CERS3: variants seen among roughly 807,000 people sequenced by gnomAD.
CERS3 encodes LAG1 homolog, ceramide synthase 3.
CERS3 carries 33 observed loss-of-function variants against 50.3 expected under a neutral mutation model. That is an observed-to-expected ratio of 0.66 (90% CI 0.50 to 0.88). CERS3 has a LOEUF of 0.88. CERS3 is among the 40% of genes least tolerant of loss of function. CERS3 has a pLI of 0.00. For synonymous variants in CERS3, 176 were observed against 155.2 expected, an observed-to-expected ratio of 1.13 and a Z score of -0.99; for missense variants, 470 against 460.3, an observed-to-expected ratio of 1.02 and a Z score of -0.19.
chr15:100,460,480 T>A (rs1392405036), intron 10 of CERS3, among the ~76,000 whole-genome samples: 2 of 152,180 alleles, frequency 1.3e-5, no homozygotes, highest in African/African-American at 4.8e-5. Context: ...CTACTTGCCA[T>A]TCTGGTTTGC....
intron 3 of CERS3, among the ~76,000 whole-genome samples, chr15:100,494,255 ATATT>A (rs1451124092): frequency 0.098 from 1,420 of 14,546 alleles, 120 homozygotes; most frequent in Non-Finnish European, 0.23. Context: ...ATATATATAT[ATATT>A]TGTTTTGAGA....
intron 1 of CERS3, chr15:100,544,390 ACCTCCGCGGGGACACG>A (rs2037291968): frequency 7.8e-6 from 1 of 127,754 alleles, no homozygotes; most frequent in African/African-American, 3.1e-5. Flanking sequence ...CTCGGCCTTG[ACCTCCGCGGGGACACG>A]GGCCCTCTCT....
chr15:100,406,980 A>G (rs1033995450), intron 11 of CERS3, among the ~76,000 whole-genome samples: 1 of 152,156 alleles, frequency 6.6e-6, no homozygotes, highest in Admixed American at 6.5e-5. Flanking sequence ...TCTTTTTGAC[A>G]CCATCAGATC....
chr15:100,406,232 G>A (rs1430895066), intron 11 of CERS3, among the ~76,000 whole-genome samples: 1 of 152,024 alleles, frequency 6.6e-6, no homozygotes, highest in Non-Finnish European at 1.5e-5. Flanking sequence ...CACCCTCTAG[G>A]CCAGTTCACA....
chr15:100,520,493 C>T (rs1001579722), intron 2 of CERS3, among the ~76,000 whole-genome samples: 2 of 152,174 alleles, frequency 1.3e-5, no homozygotes, highest in Admixed American at 6.5e-5. Context: ...CTGAAGGCCC[C>T]GCTGAACTGC....
chr15:100,511,066 T>C (rs1293110773), intron 2 of CERS3, among the ~76,000 whole-genome samples: 1 of 152,102 alleles, frequency 6.6e-6, no homozygotes, highest in Non-Finnish European at 1.5e-5. Flanking sequence ...GTTGAGTGGA[T>C]CATCTGAGGT....
At chr15:100,479,568 C>A in intron 6 of CERS3, 90 bp from the exon 7 acceptor site, 4 of 927,648 alleles carry the variant, frequency 4.3e-6, no homozygotes, top group Non-Finnish European at 6.7e-6. Context: ...TAAGCTCTTC[C>A]TTATGTCATT....
intron 4 of CERS3, 157 bp downstream of exon 4, chr15:100,490,660 A>G (rs968896464): frequency 1.7e-5 from 10 of 589,620 alleles, no homozygotes; most frequent in Non-Finnish European, 3.0e-5. Flanking sequence ...GATGTTCTAA[A>G]CCTGTCAACA....
At chr15:100,497,712 C>T (rs981177978) in intron 3 of CERS3, among the ~76,000 whole-genome samples, 2 of 152,034 alleles carry the variant, frequency 1.3e-5, no homozygotes, top group African/African-American at 2.4e-5. Context: ...GATAAATATA[C>T]ACATTCATAG....
At chr15:100,493,596 C>A (rs1190072668) in intron 3 of CERS3, among the ~76,000 whole-genome samples, 1 of 152,066 alleles carries the variant, frequency 6.6e-6, no homozygotes. Flanking sequence ...AAATTTTCGG[C>A]CATTTATTTC....
chr15:100,483,383 C>T (rs929246971), intron 5 of CERS3, among the ~76,000 whole-genome samples: 8 of 152,146 alleles, frequency 5.3e-5, no homozygotes, highest in East Asian at 1.9e-4. Flanking sequence ...AAATCTAGAA[C>T]GCCACAAAAT....
rs149352649 is a variant in CERS3, at chr15:100,438,404, A to G, written c.999+17489T>C. 1.1e-3 allele frequency among the ~76,000 whole-genome samples: 161 copies of G among 152,094 alleles called. 3 individuals carry two copies. The East Asian group carries it at 0.027, about 25-fold the overall frequency. On this transcript the variant is annotated intron_variant, in intron 11 of 11. Transcript: ENST00000679737. ...TTGTGGGTACCCAGTAGGTGTATACATATATATATTTTAACTCTTGAAAAT... is the reference window on the plus strand; with the variant it reads ...TTGTGGGTACCCAGTAGGTGTATACGTATATATATTTTAACTCTTGAAAAT...
intron 7 of CERS3, among the ~76,000 whole-genome samples, chr15:100,477,524 G>A (rs2035170350): frequency 6.6e-6 from 1 of 152,078 alleles, no homozygotes; most frequent in Non-Finnish European, 1.5e-5. Context: ...TCCAGAACCT[G>A]TGGAGTCAAG....
At chr15:100,422,892 A>T (rs1427104190) in intron 11 of CERS3, among the ~76,000 whole-genome samples, 1 of 134,962 alleles carries the variant, frequency 7.4e-6, no homozygotes, top group Admixed American at 8.0e-5. Flanking sequence ...CAATGAGATC[A>T]CATGGACACA....
At chr15:100,411,546 G>A (rs1281936563) in intron 11 of CERS3, among the ~76,000 whole-genome samples, 6 of 152,054 alleles carry the variant, frequency 3.9e-5, no homozygotes, top group African/African-American at 9.7e-5. Context: ...CTCAATGGTC[G>A]CTGGATTGCT....
chr15:100,419,746 T>G (rs1245031495), intron 11 of CERS3, among the ~76,000 whole-genome samples: 16 of 150,020 alleles, frequency 1.1e-4, no homozygotes. Flanking sequence ...CAGACCACAG[T>G]GCAATCAAAC....
At chr15:100,532,605 G>GA (rs200450402), upstream of CERS3, among the ~76,000 whole-genome samples, 1,771 of 143,728 alleles carry the variant, frequency 0.012, 40 homozygotes, top group African/African-American at 0.042. Context: ...GTCTCTACAA[G>GA]AAAAAAAAAA....
At chr15:100,423,828 C>G (rs1290943895) in intron 11 of CERS3, among the ~76,000 whole-genome samples, 1 of 152,164 alleles carries the variant, frequency 6.6e-6, no homozygotes, top group Admixed American at 6.5e-5. Context: ...CACCTTCCAC[C>G]ATGATTGAAA....
At chr15:100,432,368 T>A (rs769480707) in intron 11 of CERS3, among the ~76,000 whole-genome samples, 1 of 152,168 alleles carries the variant, frequency 6.6e-6, no homozygotes, top group Non-Finnish European at 1.5e-5. Flanking sequence ...AAAAGAAATA[T>A]AACTTCCAAC....
Sources: allele counts gnomAD v4.1 joint callset (sites outside exome capture counted in the v4.1 genomes callset), GRCh38; gene constraint gnomAD v4.1.1; transcripts MANE v1.5; gene names NCBI Gene and HGNC (gene_info 2026-07-23, HGNC 2026-07-21).